Variants in NFKB1 observed in about 807,000 individuals in gnomAD.
The protein encoded by NFKB1 is nuclear factor kappa B subunit 1.
A neutral mutation model predicts 105.1 loss-of-function variants in NFKB1; 9 were observed. The ratio of observed to expected loss-of-function variants is 0.09; its 90% CI spans 0.05 to 0.15. The LOEUF is 0.15. NFKB1 is among the 10% of genes least tolerant of loss of function. The probability of loss-of-function intolerance (pLI) is 1.00; values close to 1 mark genes in which losing one functional copy is unlikely to be tolerated. For missense variants in NFKB1, 830 were observed against 1,203.7 expected (o/e 0.69, Z 4.59); for synonymous variants, 440 against 442.2 (o/e 1.00, Z 0.06).
At chr4:102,580,393 T>C (rs1725231989) in intron 8 of NFKB1, 142 bp from the exon 9 acceptor site, 1 of 682,058 alleles carries the variant, frequency 1.5e-6, no homozygotes, top group African/African-American at 1.8e-5. Context: ...GAAGCCATTC[T>C]TGTTTTATTT....
In NFKB1 at chr4:102,613,459, C is replaced by G; in HGVS notation, c.2627C>G (p.Ala876Gly). The part of the protein sequence containing the change: ...SGGTVRELVE[A>G]LRQMGYTEAI... Reference sequence around the variant, plus strand: ...GGTACAGTCAGAGAGCTGGTGGAGGCCCTGAGACAAATGGGCTACACCGAA... The same window carrying G: ...GGTACAGTCAGAGAGCTGGTGGAGGGCCTGAGACAAATGGGCTACACCGAA... Residue 876 changes from alanine to glycine, a missense_variant, in exon 23 of 24, where the codon GCC (alanine) becomes GGC (glycine). Physicochemically the swap from Ala to Gly is moderately conservative, Grantham distance 60. Transcript: ENST00000226574. The G allele has an allele frequency of 1.2e-6, 2 of 1,613,918 alleles. No homozygotes were observed. The highest frequency in any genetic ancestry group is 8.5e-7 in the Non-Finnish European group (1 of 1,179,970).
At chr4:102,512,089 T>C (rs1739818745) in intron 1 of NFKB1, among the ~76,000 whole-genome samples, 1 of 152,246 alleles carries the variant, frequency 6.6e-6, no homozygotes, top group Non-Finnish European at 1.5e-5. Flanking sequence ...ATTTCAGATA[T>C]TCCTCACTAA....
Position 102,516,162 on chromosome 4 carries a change from T to C in NFKB1, c.-7-9350T>C, listed in dbSNP as rs530640687. On this transcript the variant is annotated intron_variant, in intron 1 of 23. Coordinates refer to ENST00000226574, the MANE Select transcript of NFKB1 (RefSeq NM_003998.4). ...ATATATAATATGTCCTTTCTTGTCC[T>C]TTGCTATTTTGGGATTTTTTTTTTC... is the stretch of plus-strand genomic sequence containing the variant. Among the ~76,000 whole-genome samples, 20 of 152,148 alleles carry C rather than the reference T, an allele frequency of 1.3e-4. No homozygotes were observed. The South Asian group carries it at 3.9e-3, about 30-fold the overall frequency.
chr4:102,515,104 A>ATTTTTTTTTTTTTTTT (rs761237095), intron 1 of NFKB1, among the ~76,000 whole-genome samples: 5 of 113,506 alleles, frequency 4.4e-5, no homozygotes, highest in Non-Finnish European at 7.0e-5. Context: ...TATTATTATT[A>ATTTTTTTTTTTTTTTT]TTATTTTTTT....
Position 102,521,616 on chromosome 4 carries a change from G to A in NFKB1, c.-7-3896G>A, listed in dbSNP as rs1443519458. Among the ~76,000 whole-genome samples the A allele has an allele frequency of 2.6e-5, 4 of 152,152 alleles. No homozygotes were observed. In the South Asian group the frequency reaches 8.3e-4, roughly 31 times the overall value. ...TTCTTACAGTGGGTCATGGTCAAAA[G>A]TGTGAATATCTCTGATCCTAGAAAG... On this transcript the variant is annotated intron_variant, in intron 1 of 23. Transcript: ENST00000226574.
chr4:102,585,202 C>A (rs1180758825), intron 11 of NFKB1, among the ~76,000 whole-genome samples: 1 of 152,106 alleles, frequency 6.6e-6, no homozygotes, highest in East Asian at 1.9e-4. Context: ...TGTGCTTGTT[C>A]TGAGAAGAGG....
intron 1 of NFKB1, chr4:102,502,044 GTCCCTCC>G (rs569632407): frequency 1.9e-3 from 285 of 152,448 alleles, no homozygotes; most frequent in Middle Eastern, 3.4e-3. Context: ...TTCTCTTCAC[GTCCCTCC>G]GCGGGGCGGG....
At chr4:102,559,087 G>T (rs934074956) in intron 5 of NFKB1, among the ~76,000 whole-genome samples, 1 of 151,980 alleles carries the variant, frequency 6.6e-6, no homozygotes, top group African/African-American at 2.4e-5. Flanking sequence ...AATAGAAAGT[G>T]CCAAAGCTAA....
intron 4 of NFKB1, among the ~76,000 whole-genome samples, chr4:102,535,556 G>A (rs1335586726): frequency 6.6e-6 from 1 of 152,146 alleles, no homozygotes; most frequent in Non-Finnish European, 1.5e-5. Context: ...TTGCCTTTGA[G>A]GTTGATGACT....
chr4:102,605,006 T>C (rs747295288), intron 16 of NFKB1, among the ~76,000 whole-genome samples: 1 of 152,052 alleles, frequency 6.6e-6, no homozygotes, highest in Non-Finnish European at 1.5e-5. Context: ...TCATAAGATA[T>C]TTTTTAATTA....
chr4:102,542,257 A>G (rs1328294814), intron 5 of NFKB1, among the ~76,000 whole-genome samples: 5 of 152,190 alleles, frequency 3.3e-5, no homozygotes, highest in Non-Finnish European at 7.4e-5. Context: ...GATTATTTCT[A>G]GAACTCAGGC....
At chr4:102,593,319 C>T in intron 11 of NFKB1, 106 bp from the exon 12 acceptor site, 1 of 1,041,356 alleles carries the variant, frequency 9.6e-7, no homozygotes, top group Admixed American at 2.3e-5. Flanking sequence ...CTTTCTATTT[C>T]CCTTTAAGAT....
intron 3 of NFKB1, 58 bp downstream of exon 3, chr4:102,529,972 G>A: frequency 7.8e-7 from 1 of 1,288,658 alleles, no homozygotes. Flanking sequence ...GTAAAATGCA[G>A]GATTTGTTAA....
At chr4:102,549,819 A>G (rs1288218212) in intron 5 of NFKB1, among the ~76,000 whole-genome samples, 2 of 152,070 alleles carry the variant, frequency 1.3e-5, no homozygotes, top group African/African-American at 4.8e-5. Context: ...CAAATCCCAC[A>G]TGTAATCCAT....
chr4:102,594,840 G>C (rs1325511065), intron 12 of NFKB1, 52 bp from the exon 13 acceptor site: 4 of 1,337,682 alleles, frequency 3.0e-6, no homozygotes, highest in Non-Finnish European at 4.3e-6. Context: ...GTTGTGCTGA[G>C]TCTTTGTAAA....
intron 5 of NFKB1, among the ~76,000 whole-genome samples, chr4:102,539,750 T>C (rs1452011601): frequency 1.3e-5 from 2 of 152,206 alleles, no homozygotes; most frequent in African/African-American, 4.8e-5. Flanking sequence ...AATGGAATTA[T>C]AATAACTGGC....
At chr4:102,504,943 A>G (rs1048378105) in intron 1 of NFKB1, among the ~76,000 whole-genome samples, 1 of 152,220 alleles carries the variant, frequency 6.6e-6, no homozygotes, top group African/African-American at 2.4e-5. Context: ...TAGTTCTGGT[A>G]ACATAACCAA....
intron 5 of NFKB1, among the ~76,000 whole-genome samples, chr4:102,556,669 T>C (rs575768538): frequency 5.1e-4 from 78 of 152,266 alleles, no homozygotes; most frequent in African/African-American, 1.8e-3. Context: ...GGGCCTCAGA[T>C]TAAGTGGTAA....
At position 102,616,378 on chromosome 4, in the gene NFKB1, A is replaced by C; in HGVS notation, c.2750-56A>C. On this transcript the variant is annotated intron_variant, in intron 23 of 23. Coordinates refer to ENST00000226574, the MANE Select transcript of NFKB1 (RefSeq NM_003998.4). ...GCAAGAGTTGTCCACAGAATAGTCCATGAGCTTTTTAGAGCCCGGCCATTC... is the reference window on the plus strand; with the variant it reads ...GCAAGAGTTGTCCACAGAATAGTCCCTGAGCTTTTTAGAGCCCGGCCATTC... The C allele has an allele frequency of 4.4e-6, 7 of 1,593,572 alleles. No homozygotes were observed. The South Asian group carries it at 8.0e-5, about 18-fold the overall frequency.
Sources: allele counts gnomAD v4.1 joint callset (sites outside exome capture counted in the v4.1 genomes callset), GRCh38; gene constraint gnomAD v4.1.1; transcripts MANE v1.5; gene names NCBI Gene and HGNC (gene_info 2026-07-23, HGNC 2026-07-21).